ZFAND3: variants seen among roughly 807,000 people sequenced by gnomAD.
ZFAND3 encodes zinc finger AN1-type containing 3.
In ZFAND3, 10 loss-of-function variants were observed where a neutral mutation model predicts 29.6. The observed-to-expected ratio is 0.34, with a 90% confidence interval of 0.21 to 0.57. The LOEUF (loss-of-function observed/expected upper bound fraction) is 0.57, where lower values mean the gene tolerates loss of function less well. Among genes scored for constraint, ZFAND3 ranks in the 20% least tolerant of loss-of-function variants. The pLI is 0.86. For synonymous variants in ZFAND3, 128 were observed against 112.6 expected (o/e 1.14, Z -0.87); for missense variants, 230 against 304.5 (o/e 0.76, Z 1.82).
At chr6:37,853,160 A>G (rs886357148) in intron 1 of ZFAND3, among the ~76,000 whole-genome samples, 1 of 152,146 alleles carries the variant, frequency 6.6e-6, no homozygotes, top group Non-Finnish European at 1.5e-5. Flanking sequence ...TGTATGTGGA[A>G]TTCAGTGTGA....
chr6:38,125,395 C>G (rs1339719180), intron 5 of ZFAND3, among the ~76,000 whole-genome samples: 7 of 152,160 alleles, frequency 4.6e-5, no homozygotes, highest in African/African-American at 1.4e-4. Flanking sequence ...CCAGCCTACC[C>G]TATGTTCTTT....
At chr6:37,969,766 T>A (rs1762355140) in intron 2 of ZFAND3, among the ~76,000 whole-genome samples, 1 of 152,208 alleles carries the variant, frequency 6.6e-6, no homozygotes, top group Non-Finnish European at 1.5e-5. Flanking sequence ...TTTAATTTTT[T>A]TTTCTCTGTT....
intron 2 of ZFAND3, among the ~76,000 whole-genome samples, chr6:37,979,177 C>A (rs1437948986): frequency 6.6e-6 from 1 of 152,090 alleles, no homozygotes; most frequent in Non-Finnish European, 1.5e-5. Flanking sequence ...AGATTTAATG[C>A]TAAAATTTTT....
chr6:37,908,495 A>G (rs960853676), intron 1 of ZFAND3, among the ~76,000 whole-genome samples: 14 of 150,638 alleles, frequency 9.3e-5, no homozygotes, highest in Admixed American at 6.6e-4. Flanking sequence ...AACCTGCACA[A>G]TGTGCACATG....
intron 2 of ZFAND3, among the ~76,000 whole-genome samples, chr6:38,022,660 C>T (rs1763373165): frequency 6.6e-6 from 1 of 152,176 alleles, no homozygotes; most frequent in African/African-American, 2.4e-5. Flanking sequence ...CATGTAGCTC[C>T]TAAGTATTAA....
At chr6:37,890,716 TTA>T (rs1212449243) in intron 1 of ZFAND3, among the ~76,000 whole-genome samples, 2 of 152,222 alleles carry the variant, frequency 1.3e-5, no homozygotes, top group African/African-American at 4.8e-5. Context: ...CCAGATTGCT[TTA>T]TCAGTTTATT....
chr6:37,950,131 G>A (rs1422761526), intron 2 of ZFAND3, among the ~76,000 whole-genome samples: 5 of 152,122 alleles, frequency 3.3e-5, no homozygotes, highest in South Asian at 2.1e-4. Flanking sequence ...TTCTTTTGAC[G>A]TGCAGAAGCT....
At chr6:37,977,839 C>CCTTCCTTCCTTCCTTT (rs1762511428) in intron 2 of ZFAND3, among the ~76,000 whole-genome samples, 1 of 120,790 alleles carries the variant, frequency 8.3e-6, no homozygotes, top group Non-Finnish European at 1.7e-5. Flanking sequence ...TTCCTTCCTT[C>CCTTCCTTCCTTCCTTT]CTTCCTTCCT....
intron 1 of ZFAND3, among the ~76,000 whole-genome samples, chr6:37,912,874 A>G (rs1765547466): frequency 6.6e-6 from 1 of 152,228 alleles, no homozygotes; most frequent in African/African-American, 2.4e-5. Flanking sequence ...CAGATAATGC[A>G]GTTTTTGTTC....
At chr6:38,055,524 A>T (rs187812642) in intron 2 of ZFAND3, among the ~76,000 whole-genome samples, 23 of 152,296 alleles carry the variant, frequency 1.5e-4, no homozygotes, top group Non-Finnish European at 2.8e-4. Context: ...GGGCTAAATG[A>T]GAAAATGAAT....
chr6:37,881,741 C>T (rs1050126971), intron 1 of ZFAND3, among the ~76,000 whole-genome samples: 3 of 151,966 alleles, frequency 2.0e-5, no homozygotes, highest in Non-Finnish European at 4.4e-5. Flanking sequence ...TTGTTCCTTG[C>T]TCCTTAGGGT....
chr6:37,913,421 A>G (rs1337121909), intron 1 of ZFAND3, among the ~76,000 whole-genome samples: 1 of 152,138 alleles, frequency 6.6e-6, no homozygotes, highest in African/African-American at 2.4e-5. Context: ...ATTCATTTCA[A>G]TTTTATTATG....
chr6:38,127,705 T>C (rs1231438808), intron 5 of ZFAND3, among the ~76,000 whole-genome samples: 1 of 152,186 alleles, frequency 6.6e-6, no homozygotes, highest in Non-Finnish European at 1.5e-5. Context: ...TTTTTTTTTT[T>C]TTTAAATAAA....
At chr6:37,922,598 C>T (rs1316104846) in intron 1 of ZFAND3, among the ~76,000 whole-genome samples, 1 of 152,126 alleles carries the variant, frequency 6.6e-6, no homozygotes, top group Non-Finnish European at 1.5e-5. Context: ...TGTTGAACAT[C>T]ATAGAGTGTC....
At chr6:38,134,340 T>G (rs1027357168) in intron 5 of ZFAND3, among the ~76,000 whole-genome samples, 1 of 152,230 alleles carries the variant, frequency 6.6e-6, no homozygotes, top group Non-Finnish European at 1.5e-5. Flanking sequence ...TCCCGATTTA[T>G]TACACATCGG....
At chr6:37,923,019 T>A (rs1351179062) in intron 1 of ZFAND3, among the ~76,000 whole-genome samples, 1 of 152,246 alleles carries the variant, frequency 6.6e-6, no homozygotes, top group East Asian at 1.9e-4. Context: ...TTTAAAAAAA[T>A]TTTAAACTGA....
chr6:38,045,097 T>G lies in ZFAND3; in HGVS notation c.113-16496T>G, dbSNP rs530807455. Among the ~76,000 whole-genome samples, 64 of 148,516 alleles carry G rather than the reference T, an allele frequency of 4.3e-4. 1 individual carries two copies. Among genetic ancestry groups the G allele is most frequent in the African/African-American group, 1.3e-3 (54 of 40,596 alleles). On this transcript the variant is annotated intron_variant, in intron 2 of 5. Coordinates refer to ENST00000287218, the MANE Select transcript of ZFAND3 (RefSeq NM_021943.3). Reference sequence around the variant, plus strand: ...TTATTTATTTATTTATTTATTTATTTATTTATTGAGATGGAATCTCACTCT... The same window carrying G: ...TTATTTATTTATTTATTTATTTATTGATTTATTGAGATGGAATCTCACTCT...
At position 38,154,340 on chromosome 6, in the gene ZFAND3, A is replaced by T. The variant is rs1581967165; in HGVS notation, c.*1951A>T. ...GAGCCCAGGGGAGCTGGCCTGGGGGAGCGAAGCCCATGTTCGCTTCCTGAC... is the reference window on the plus strand; with the variant it reads ...GAGCCCAGGGGAGCTGGCCTGGGGGTGCGAAGCCCATGTTCGCTTCCTGAC... On this transcript the variant is annotated 3_prime_UTR_variant, in exon 6 of 6. Transcript: ENST00000287218. 1.0e-6 allele frequency: 1 copy of T among 963,950 alleles called. No individual in the cohort carries two copies. Among genetic ancestry groups the T allele is most frequent in the African/African-American group, 1.9e-5 (1 of 51,588 alleles). The allele number at this position is 963,950 out of a possible 1,614,324, so 59.7% of individuals were successfully genotyped here.
chr6:38,142,432 AGTTACCCC>A, intron 5 of ZFAND3: 1 of 456,536 alleles, frequency 2.2e-6, no homozygotes, highest in South Asian at 1.6e-5. Context: ...CTGGCAACTG[AGTTACCCC>A]CATGGGCCCA....
Sources: gnomAD v4.1 joint callset for allele counts (sites outside exome capture counted in the v4.1 genomes callset) on GRCh38, gnomAD v4.1.1 for gene constraint, MANE v1.5 for transcripts, NCBI Gene and HGNC (gene_info 2026-07-23, HGNC 2026-07-21) for gene names.